PMFBP1: variants seen among roughly 807,000 people sequenced by gnomAD.
PMFBP1 encodes the protein polyamine-modulated factor 1-binding protein 1.
Under a neutral mutation model 137.8 loss-of-function variants are expected in PMFBP1, and 131 were observed. That is an observed-to-expected ratio of 0.95 (90% CI 0.82 to 1.10). The LOEUF (loss-of-function observed/expected upper bound fraction) is 1.10. Ranked by LOEUF, PMFBP1 falls within the 50% of genes least tolerant of loss-of-function variation. The pLI, the probability that PMFBP1 is intolerant of heterozygous loss-of-function variation, is 0.00. For synonymous variants in PMFBP1, 490 were observed against 450.4 expected (o/e 1.09, Z -1.11); for missense variants, 1,199 against 1,175.4 (o/e 1.02, Z -0.29).
chr16:72,120,643 G>T (rs2042364531), intron 19 of PMFBP1, among the ~76,000 whole-genome samples: 1 of 152,208 alleles, frequency 6.6e-6, no homozygotes, highest in Non-Finnish European at 1.5e-5. Flanking sequence ...AATGGAGGCT[G>T]CCACGTAGAG....
chr16:72,140,188 G>C (rs2042695065), intron 6 of PMFBP1, among the ~76,000 whole-genome samples: 1 of 152,164 alleles, frequency 6.6e-6, no homozygotes, highest in South Asian at 2.1e-4. Context: ...GGGCAGTTAG[G>C]TTGTTGTGTG....
intron 18 of PMFBP1, among the ~76,000 whole-genome samples, chr16:72,123,241 C>G (rs2042403180): frequency 6.6e-6 from 1 of 152,204 alleles, no homozygotes; most frequent in Non-Finnish European, 1.5e-5. Context: ...GGGGGCCAGG[C>G]AGTGAAGCTG....
the PMFBP1 span, among the ~76,000 whole-genome samples, chr16:72,215,180 G>A: frequency 6.6e-6 from 1 of 152,252 alleles, no homozygotes; most frequent in Middle Eastern, 3.4e-3. Flanking sequence ...AGAAAACTGA[G>A]AGACTGGAGA....
At chr16:72,127,833 T>C (rs1302861053) in intron 14 of PMFBP1, among the ~76,000 whole-genome samples, 1 of 152,254 alleles carries the variant, frequency 6.6e-6, no homozygotes, top group Non-Finnish European at 1.5e-5. Context: ...CAGCAAGTTC[T>C]ACTGGGCAGT....
At chr16:72,133,116 C>T in intron 9 of PMFBP1, 125 bp from the exon 10 acceptor site, 1 of 1,048,238 alleles carries the variant, frequency 9.5e-7, no homozygotes, top group Non-Finnish European at 1.4e-6. Flanking sequence ...CACGAACCTC[C>T]CTGCCTCCAC....
chr16:72,237,598 C>T, the PMFBP1 span, among the ~76,000 whole-genome samples: 27 of 151,916 alleles, frequency 1.8e-4, no homozygotes, highest in Non-Finnish European at 1.2e-4. Flanking sequence ...ACAAAAATGT[C>T]GTTTTGTATC....
chr16:72,135,889 G>A (rs2042623639), intron 9 of PMFBP1, among the ~76,000 whole-genome samples: 1 of 150,714 alleles, frequency 6.6e-6, no homozygotes, highest in African/African-American at 2.4e-5. Context: ...CAAGTAGCTG[G>A]GACTACAGGC....
chr16:72,220,071 T>A, the PMFBP1 span, among the ~76,000 whole-genome samples: 2 of 152,166 alleles, frequency 1.3e-5, no homozygotes, highest in East Asian at 3.8e-4. Flanking sequence ...ACAGACACAC[T>A]CACGTATGGC....
chr16:72,162,809 G>C (rs553273604), intron 3 of PMFBP1, among the ~76,000 whole-genome samples: 1 of 152,282 alleles, frequency 6.6e-6, no homozygotes, highest in African/African-American at 2.4e-5. Context: ...TTCCCTGACT[G>C]GGGGAATAAG....
chr16:72,130,478 G>T (rs148763420), intron 11 of PMFBP1, 55 bp downstream of exon 11: 110 of 1,608,830 alleles, frequency 6.8e-5, no homozygotes, highest in Non-Finnish European at 9.1e-5. Flanking sequence ...CAGAGGGCCC[G>T]GCTGGGTCAA....
the PMFBP1 span, among the ~76,000 whole-genome samples, chr16:72,190,287 T>C: frequency 6.6e-6 from 1 of 152,192 alleles, no homozygotes; most frequent in Non-Finnish European, 1.5e-5. Flanking sequence ...AGTTAAACCA[T>C]GAACGAAATT....
chr16:72,149,066 C>T (rs533125194), intron 5 of PMFBP1, among the ~76,000 whole-genome samples: 13 of 152,276 alleles, frequency 8.5e-5, no homozygotes, highest in Admixed American at 3.3e-4. Flanking sequence ...CCTTGCTTTC[C>T]GCTCCTTCCT....
chr16:72,209,367 C>T, the PMFBP1 span, among the ~76,000 whole-genome samples: 1 of 151,840 alleles, frequency 6.6e-6, no homozygotes, highest in East Asian at 1.9e-4. Context: ...CAGTTGAGAC[C>T]CACTTATTAA....
intron 6 of PMFBP1, among the ~76,000 whole-genome samples, chr16:72,139,948 T>G (rs1016542473): frequency 1.3e-5 from 2 of 152,224 alleles, no homozygotes; most frequent in Non-Finnish European, 2.9e-5. Flanking sequence ...AGGACAGTAT[T>G]GAAAATTCAG....
At chr16:72,219,175 C>A in the PMFBP1 span, among the ~76,000 whole-genome samples, 3 of 152,062 alleles carry the variant, frequency 2.0e-5, no homozygotes, top group African/African-American at 7.2e-5. Flanking sequence ...TTCAAATATA[C>A]AACATATTGT....
Position 72,154,387 on chromosome 16 carries a change from G to A in PMFBP1, c.238C>T (p.Leu80=). 1 of 1,614,180 alleles carries A rather than the reference G, an allele frequency of 6.2e-7. No homozygotes were observed. Among genetic ancestry groups the A allele is most frequent in the Non-Finnish European group, 8.5e-7 (1 of 1,180,026 alleles). The change falls in exon 4 of 21, where the codon CTG becomes TTG. Residue 80 remains leucine, a synonymous_variant. Coordinates refer to ENST00000237353, the MANE Select transcript of PMFBP1 (RefSeq NM_031293.3). ...TTCTTCAGTTGCTGGAGTTGTCTCA[G>A]ATGACACTGTTTACTGGACCCAAAT... is the stretch of plus-strand genomic sequence containing the variant. ...VEFGSSKQCH[L]RQLQQLKKKL...
At chr16:72,190,931 C>T in the PMFBP1 span, among the ~76,000 whole-genome samples, 2 of 152,092 alleles carry the variant, frequency 1.3e-5, no homozygotes, top group African/African-American at 2.4e-5. Context: ...GAAGGTTCTT[C>T]GTGTGTTTGT....
At chr16:72,185,192 T>G in the PMFBP1 span, among the ~76,000 whole-genome samples, 6 of 151,990 alleles carry the variant, frequency 3.9e-5, no homozygotes, top group Non-Finnish European at 7.4e-5. Flanking sequence ...CTTGGCTAAT[T>G]TTTGTATTTT....
At chr16:72,188,848 C>T in the PMFBP1 span, among the ~76,000 whole-genome samples, 1 of 152,110 alleles carries the variant, frequency 6.6e-6, no homozygotes, top group Non-Finnish European at 1.5e-5. Flanking sequence ...ATGGAAAACC[C>T]ATCTGTTATG....
Sources: gnomAD v4.1 joint callset for allele counts (sites outside exome capture counted in the v4.1 genomes callset) on GRCh38, gnomAD v4.1.1 for gene constraint, MANE v1.5 for transcripts, NCBI Gene and HGNC (gene_info 2026-07-23, HGNC 2026-07-21) for gene names.